Variants in SGCZ observed in about 807,000 individuals in gnomAD.
The protein encoded by SGCZ is sarcoglycan zeta.
Under a neutral mutation model 41.3 loss-of-function variants are expected in SGCZ, and 40 were observed. That is an observed-to-expected ratio of 0.97 (90% confidence interval 0.75 to 1.26). The LOEUF is 1.26. Ranked by LOEUF, SGCZ falls within the 50% of genes most tolerant of loss-of-function variation. The pLI is 0.00. For missense variants in SGCZ, 552 were observed against 369.8 expected, an observed-to-expected ratio of 1.49 and a Z score of -4.04; for synonymous variants, 206 against 137.5, an observed-to-expected ratio of 1.50 and a Z score of -3.49.
chr8:15,189,768 G>T (rs1418712800), intron 1 of SGCZ, among the ~76,000 whole-genome samples: 2 of 151,974 alleles, frequency 1.3e-5, no homozygotes, highest in South Asian at 2.1e-4. Flanking sequence ...CCAGGCTGGT[G>T]TTGAACTCCT....
chr8:14,189,326 C>A (rs1048052754), intron 4 of SGCZ, among the ~76,000 whole-genome samples: 1 of 152,118 alleles, frequency 6.6e-6, no homozygotes, highest in African/African-American at 2.4e-5. Context: ...AAACTGTAAG[C>A]CTTTTCGTTT....
intron 3 of SGCZ, among the ~76,000 whole-genome samples, chr8:14,244,447 G>C (rs1799010214): frequency 6.6e-6 from 1 of 152,110 alleles, no homozygotes; most frequent in South Asian, 2.1e-4. Flanking sequence ...TGTTTACTTT[G>C]TTCTTTGAAA....
intron 7 of SGCZ, among the ~76,000 whole-genome samples, chr8:14,097,687 G>C (rs990282906): frequency 3.9e-5 from 6 of 152,130 alleles, no homozygotes; most frequent in African/African-American, 1.4e-4. Context: ...TGACAGTGGG[G>C]TGTTAAAGTC....
At chr8:14,652,175 C>T in intron 1 of SGCZ, among the ~76,000 whole-genome samples, 1 of 151,588 alleles carries the variant, frequency 6.6e-6, no homozygotes, top group East Asian at 1.9e-4. Flanking sequence ...AACCCTGTCT[C>T]TACTGAAAAT....
intron 3 of SGCZ, among the ~76,000 whole-genome samples, chr8:14,275,035 T>C (rs1800181563): frequency 6.6e-6 from 1 of 152,160 alleles, no homozygotes; most frequent in Non-Finnish European, 1.5e-5. Flanking sequence ...TAGAATTTAA[T>C]ATCAGACATC....
chr8:15,189,996 A>C (rs974935758), intron 1 of SGCZ, among the ~76,000 whole-genome samples: 1 of 152,114 alleles, frequency 6.6e-6, no homozygotes, highest in Non-Finnish European at 1.5e-5. Flanking sequence ...CCTAGCTTCA[A>C]CACATTATCT....
At chr8:14,463,570 C>G (rs1434936644) in intron 2 of SGCZ, among the ~76,000 whole-genome samples, 1 of 151,588 alleles carries the variant, frequency 6.6e-6, no homozygotes, top group Non-Finnish European at 1.5e-5. Context: ...AACTTCATGA[C>G]ACTGGATTTG....
intron 1 of SGCZ, among the ~76,000 whole-genome samples, chr8:15,027,387 G>A (rs1319468081): frequency 1.3e-5 from 1 of 78,802 alleles, no homozygotes; most frequent in Non-Finnish European, 2.5e-5. Flanking sequence ...AAAGAAATAT[G>A]TGTTGGCTCA....
chr8:14,583,942 T>C (rs1165351336), intron 1 of SGCZ, among the ~76,000 whole-genome samples: 1 of 152,164 alleles, frequency 6.6e-6, no homozygotes. Context: ...CTTAAATTAT[T>C]TTTGTAACAG....
chr8:14,879,484 T>A (rs1384870642), intron 1 of SGCZ, among the ~76,000 whole-genome samples: 3 of 152,024 alleles, frequency 2.0e-5, no homozygotes, highest in Admixed American at 2.0e-4. Flanking sequence ...AAATTGACAC[T>A]CTTGGGAAGT....
At chr8:14,442,115 G>A (rs548843222) in intron 2 of SGCZ, among the ~76,000 whole-genome samples, 222 of 152,268 alleles carry the variant, frequency 1.5e-3, no homozygotes, top group African/African-American at 5.2e-3. Context: ...TGAGATCACT[G>A]AAACTTCATA....
chr8:14,267,255 A>G (rs1480471017), intron 3 of SGCZ, among the ~76,000 whole-genome samples: 1 of 152,076 alleles, frequency 6.6e-6, no homozygotes, highest in Non-Finnish European at 1.5e-5. Context: ...AATACTGAAC[A>G]AGTATTATAT....
chr8:14,131,947 T>G (rs1209693635), intron 5 of SGCZ, among the ~76,000 whole-genome samples: 1 of 152,090 alleles, frequency 6.6e-6, no homozygotes, highest in African/African-American at 2.4e-5. Context: ...TCTAGGGCTG[T>G]GTAAATACAC....
intron 2 of SGCZ, among the ~76,000 whole-genome samples, chr8:14,504,490 CTTGAT>C (rs1802247015): frequency 6.6e-6 from 1 of 152,122 alleles, no homozygotes. Context: ...CTATTGGTTT[CTTGAT>C]TTATTTATTT....
intron 1 of SGCZ, among the ~76,000 whole-genome samples, chr8:15,182,909 A>T (rs1800220016): frequency 6.6e-6 from 1 of 152,218 alleles, no homozygotes; most frequent in Non-Finnish European, 1.5e-5. Flanking sequence ...TTATATCTTT[A>T]AGCTTTTAAA....
chr8:14,327,855 A>G (rs1027731906), intron 2 of SGCZ, among the ~76,000 whole-genome samples: 1 of 152,114 alleles, frequency 6.6e-6, no homozygotes, highest in East Asian at 1.9e-4. Flanking sequence ...ATCTTGGCTC[A>G]CTGCAACCTC....
At chr8:14,107,800 G>A (rs554908637) in intron 6 of SGCZ, among the ~76,000 whole-genome samples, 7 of 151,878 alleles carry the variant, frequency 4.6e-5, no homozygotes, top group South Asian at 2.1e-4. Flanking sequence ...CACCATGCTC[G>A]GCTAATTTGT....
rs1801436200 is a variant in SGCZ at position 14,308,993 on chromosome 8, C to A, written c.336+15110G>T. On this transcript the variant is annotated intron_variant, in intron 3 of 7. Coordinates refer to ENST00000382080, the MANE Select transcript of SGCZ (RefSeq NM_139167.4). Reference sequence around the variant, plus strand: ...AGTGTCTTGAGGATGAATTCCAAACCGCACCCGGCCTCAGCCTCACTTTTA... The same window carrying A: ...AGTGTCTTGAGGATGAATTCCAAACAGCACCCGGCCTCAGCCTCACTTTTA... 8 of 900,860 alleles carry A rather than the reference C, an allele frequency of 8.9e-6. No individual in the cohort carries two copies. In the South Asian group the frequency reaches 1.0e-4, roughly 12 times the overall value. 55.8% of individuals were successfully genotyped at this position (900,860 alleles called of 1,614,324 possible).
chr8:15,003,931 T>C (rs1585460928), intron 1 of SGCZ, among the ~76,000 whole-genome samples: 1 of 152,222 alleles, frequency 6.6e-6, no homozygotes, highest in East Asian at 1.9e-4. Context: ...GAAATACATC[T>C]CATGCTCCCA....
Sources: gnomAD v4.1 joint callset for allele counts (sites outside exome capture counted in the v4.1 genomes callset) on GRCh38, gnomAD v4.1.1 for gene constraint, MANE v1.5 for transcripts, NCBI Gene and HGNC (gene_info 2026-07-23, HGNC 2026-07-21) for gene names.